The following STX8 variants were observed in gnomAD, a reference collection of about 807,000 sequenced individuals.
The protein encoded by STX8 is syntaxin 8.
STX8 carries 23 observed loss-of-function variants against 37.5 expected under a neutral mutation model. The ratio of observed to expected loss-of-function variants is 0.61; its 90% CI spans 0.44 to 0.87. STX8 has a LOEUF of 0.87. Among genes scored for constraint, STX8 ranks in the 40% least tolerant of loss-of-function variants. The probability of loss-of-function intolerance (pLI) is 0.00; values close to 1 mark genes in which losing one functional copy is unlikely to be tolerated. For synonymous variants in STX8, 115 were observed against 99.1 expected, an observed-to-expected ratio of 1.16 and a Z score of -0.95; for missense variants, 313 against 284.7, an observed-to-expected ratio of 1.10 and a Z score of -0.71.
At chr17:9,388,572 G>A (rs112049646) in intron 6 of STX8, among the ~76,000 whole-genome samples, 2,880 of 151,568 alleles carry the variant, frequency 0.019, 77 homozygotes, top group African/African-American at 0.065. Flanking sequence ...GGGAGGCCGA[G>A]GTGGGCGGAT....
In STX8 at chr17:9,271,232, T is replaced by A. The variant is rs191442885; in HGVS notation, c.644-20587A>T. Among the ~76,000 whole-genome samples the A allele has an allele frequency of 2.7e-3, 408 of 152,160 alleles. 7 individuals are homozygous for A. The highest frequency in any genetic ancestry group is 0.025 in the Admixed American group (389 of 15,278). On this transcript the variant is annotated intron_variant, in intron 7 of 7. Coordinates refer to ENST00000306357, the MANE Select transcript of STX8 (RefSeq NM_004853.3). ...ACTTTGGGAGGCCGAAGCGGGCGGA[T>A]CACTTGAGGTCATGAGTTTGAGACC... is the stretch of plus-strand genomic sequence containing the variant.
intron 7 of STX8, among the ~76,000 whole-genome samples, chr17:9,270,250 T>C (rs1425944229): frequency 6.6e-6 from 1 of 152,208 alleles, no homozygotes; most frequent in African/African-American, 2.4e-5. Context: ...ACTTTCTTTT[T>C]TCTTTTCTTT....
At chr17:9,258,725 A>C (rs1906894328) in intron 7 of STX8, among the ~76,000 whole-genome samples, 5 of 151,964 alleles carry the variant, frequency 3.3e-5, no homozygotes. Context: ...ATCCAACTCA[A>C]CTCTGCAGGT....
At chr17:9,322,205 G>T (rs560532640) in intron 7 of STX8, among the ~76,000 whole-genome samples, 2 of 152,222 alleles carry the variant, frequency 1.3e-5, no homozygotes, top group Non-Finnish European at 2.9e-5. Context: ...TATAAATGGC[G>T]GGTTAGCGGT....
intron 7 of STX8, among the ~76,000 whole-genome samples, chr17:9,330,289 G>A (rs974689409): frequency 5.9e-5 from 9 of 152,278 alleles, no homozygotes; most frequent in African/African-American, 2.2e-4. Context: ...TCTAAATAGG[G>A]TAGGCCACAG....
chr17:9,304,674 T>G (rs1908907469), intron 7 of STX8, among the ~76,000 whole-genome samples: 1 of 152,072 alleles, frequency 6.6e-6, no homozygotes, highest in South Asian at 2.1e-4. Context: ...TAATATTTTT[T>G]CCTCTATCAG....
Position 9,404,414 on chromosome 17 carries a change from T to G in STX8, c.542-25761A>C, listed in dbSNP as rs186767524. 2.2e-4 allele frequency among the ~76,000 whole-genome samples: 34 copies of G among 152,326 alleles called. No individual in the cohort carries two copies. In the East Asian group the frequency reaches 6.2e-3, roughly 28 times the overall value. On this transcript the variant is annotated intron_variant, in intron 6 of 7. Transcript: ENST00000306357. ...CTTCCACTGTTTGCTTTAGTTTCAG[T>G]GCACATTATCACAGAAGGGTCCATG...
intron 7 of STX8, among the ~76,000 whole-genome samples, chr17:9,352,453 A>C (rs1597620116): frequency 7.1e-6 from 1 of 141,614 alleles, no homozygotes; most frequent in African/African-American, 2.6e-5. Context: ...GCCTCTCCCC[A>C]TCCTTACTCC....
chr17:9,255,964 C>G (rs1906781177), intron 7 of STX8, among the ~76,000 whole-genome samples: 1 of 152,224 alleles, frequency 6.6e-6, no homozygotes, highest in Non-Finnish European at 1.5e-5. Flanking sequence ...TGGAGTTTCT[C>G]TCCTCTGAAG....
chr17:9,387,856 G>A (rs1912071801), intron 6 of STX8, among the ~76,000 whole-genome samples: 1 of 152,142 alleles, frequency 6.6e-6, no homozygotes, highest in Non-Finnish European at 1.5e-5. Flanking sequence ...GATGTTATAT[G>A]TTAACTGGGT....
chr17:9,441,606 A>G (rs183780393), intron 6 of STX8, among the ~76,000 whole-genome samples: 46 of 151,626 alleles, frequency 3.0e-4, no homozygotes, highest in Middle Eastern at 6.8e-3. Flanking sequence ...TCCTGTAAAT[A>G]ATGGGGCTCC....
chr17:9,339,070 CA>C (rs34987749), intron 7 of STX8, among the ~76,000 whole-genome samples: 8,052 of 70,044 alleles, frequency 0.11, 210 homozygotes, highest in Non-Finnish European at 0.15. Context: ...GACTCCGTCT[CA>C]AAAAAAAAAA....
chr17:9,303,451 AGTGT>A (rs200162598), intron 7 of STX8, among the ~76,000 whole-genome samples: 3 of 151,634 alleles, frequency 2.0e-5, no homozygotes, highest in African/African-American at 4.8e-5. Flanking sequence ...CCTTTACCCT[AGTGT>A]GTGTGTGTGT....
At chr17:9,388,686 C>T (rs1232717631) in intron 6 of STX8, among the ~76,000 whole-genome samples, 1 of 151,488 alleles carries the variant, frequency 6.6e-6, no homozygotes, top group African/African-American at 2.4e-5. Context: ...GCCTGTAATC[C>T]CACCTACTTA....
intron 7 of STX8, among the ~76,000 whole-genome samples, chr17:9,262,317 G>T (rs1907067669): frequency 6.6e-6 from 1 of 152,152 alleles, no homozygotes; most frequent in African/African-American, 2.4e-5. Context: ...GACCTCAAGT[G>T]AGGCCAACAA....
At chr17:9,386,655 A>C (rs1912025346) in intron 6 of STX8, among the ~76,000 whole-genome samples, 1 of 152,078 alleles carries the variant, frequency 6.6e-6, no homozygotes, top group African/African-American at 2.4e-5. Context: ...TCATGCAATC[A>C]CCTTGTAGTT....
intron 6 of STX8, among the ~76,000 whole-genome samples, chr17:9,420,587 C>G (rs929865386): frequency 2.0e-5 from 3 of 152,202 alleles, no homozygotes; most frequent in African/African-American, 4.8e-5. Context: ...ATTAAACCAG[C>G]CTTCATGCTC....
At chr17:9,312,788 A>G (rs578073894) in intron 7 of STX8, among the ~76,000 whole-genome samples, 1 of 152,318 alleles carries the variant, frequency 6.6e-6, no homozygotes, top group Admixed American at 6.5e-5. Context: ...CAGATGTACT[A>G]ACTCCACTCT....
At chr17:9,549,981 T>C (rs1335253515) in intron 3 of STX8, among the ~76,000 whole-genome samples, 1 of 152,074 alleles carries the variant, frequency 6.6e-6, no homozygotes, top group Non-Finnish European at 1.5e-5. Context: ...CCCAGCACTT[T>C]GGAAGGCTGA....
Sources: allele counts gnomAD v4.1 joint callset (sites outside exome capture counted in the v4.1 genomes callset), GRCh38; gene constraint gnomAD v4.1.1; transcripts MANE v1.5; gene names NCBI Gene and HGNC (gene_info 2026-07-23, HGNC 2026-07-21).